Variants in CXCR5 observed in about 807,000 individuals in gnomAD.
CXCR5 encodes C-X-C chemokine receptor type 5.
A neutral mutation model predicts 5.6 loss-of-function variants in CXCR5; 3 were observed. That is an observed-to-expected ratio of 0.54 (90% CI 0.24 to 1.39). The LOEUF is 1.39. Ranked by LOEUF, CXCR5 falls within the 40% of genes most tolerant of loss-of-function variation. CXCR5 has a pLI of 0.16. For missense variants in CXCR5, 333 were observed against 494.6 expected, an observed-to-expected ratio of 0.67 and a Z score of 3.10; for synonymous variants, 218 against 219.9, an observed-to-expected ratio of 0.99 and a Z score of 0.08.
intron 1 of CXCR5, among the ~76,000 whole-genome samples, chr11:118,884,511 G>A (rs1259456261): frequency 1.3e-5 from 2 of 152,076 alleles, no homozygotes; most frequent in East Asian, 3.9e-4. Context: ...CTTCTGCTCT[G>A]GCCAGAGAAA....
rs748200994 is a variant in CXCR5 at position 118,893,974 on chromosome 11, G to T, written c.430G>T (p.Ala144Ser). Residue 144 changes from alanine to serine, a missense_variant, in exon 2 of 2, where the codon GCC becomes TCC. Physicochemically the swap from Ala to Ser is moderately conservative, Grantham distance 99. Coordinates refer to ENST00000292174, the MANE Select transcript of CXCR5 (RefSeq NM_001716.5). The surrounding 1 kb of genome is among the most constrained non-coding windows in gnomAD (Gnocchi z 5.7). ...CAGCAGCCTGCTCCTGGCCTGCATC[G>T]CCGTGGACCGCTACCTGGCCATTGT... ...YCSSLLLACIAVDRYLAIVHA... is the reference protein window; with the variant it reads ...YCSSLLLACISVDRYLAIVHA... 6.2e-7 allele frequency: 1 copy of T among 1,613,764 alleles called. No individual in the cohort carries two copies. Among genetic ancestry groups the T allele is most frequent in the Non-Finnish European group, 8.5e-7 (1 of 1,180,014 alleles).
rs1342123453 is a variant in CXCR5, at chr11:118,896,253, G to A, written c.*1590G>A. 2.4e-5 allele frequency: 4 copies of A among 166,060 alleles called. No individual in the cohort carries two copies. The East Asian group carries it at 5.8e-4, about 24-fold the overall frequency. The allele number at this position is 166,060 out of a possible 1,614,324, so 10.3% of individuals were successfully genotyped here. A position where few individuals can be genotyped will look rare whatever the true frequency, so the allele number is the denominator to read the frequency against. On this transcript the variant is annotated 3_prime_UTR_variant, in exon 2 of 2. Coordinates refer to ENST00000292174, the MANE Select transcript of CXCR5 (RefSeq NM_001716.5). ...ATTGTTTCAAAATAAAAACCAAGAAGATGTCTTCACATATTGTATTTATAT... is the reference window on the plus strand; with the variant it reads ...ATTGTTTCAAAATAAAAACCAAGAAAATGTCTTCACATATTGTATTTATAT...
Position 118,896,307 on chromosome 11 carries a change from T to C in CXCR5, c.*1644T>C, listed in dbSNP as rs1353952858. The C allele has an allele frequency of 6.3e-6, 1 of 157,890 alleles. No homozygotes were observed. The highest frequency in any genetic ancestry group is 2.4e-5 in the African/African-American group (1 of 41,324). The allele number at this position is 157,890 out of a possible 1,614,324, so 9.8% of individuals were successfully genotyped here. A position where few individuals can be genotyped will look rare whatever the true frequency, so the allele number is the denominator to read the frequency against. On this transcript the variant is annotated 3_prime_UTR_variant, in exon 2 of 2. Transcript: ENST00000292174. ...TATATTTATATATATATTTATATAATGGTACAAAATGGCTGGGGGTGTGGC... is the reference window on the plus strand; with the variant it reads ...TATATTTATATATATATTTATATAACGGTACAAAATGGCTGGGGGTGTGGC...
In CXCR5 at chr11:118,893,510, A is replaced by G. The variant is rs1288362779; in HGVS notation, c.52-86A>G. The G allele has an allele frequency of 6.7e-7, 1 of 1,497,586 alleles. No homozygotes were observed. The highest frequency in any genetic ancestry group is 2.3e-5 in the Admixed American group (1 of 43,510). 92.8% of individuals were successfully genotyped at this position (1,497,586 alleles called of 1,614,324 possible). A position where few individuals can be genotyped will look rare whatever the true frequency, so the allele number is the denominator to read the frequency against. Reference sequence around the variant, plus strand: ...TTTGGTCAGTGGGCCCTATGTAGGAAAAAACCTCCAAGAGAGCTAGGGTTC... The same window carrying G: ...TTTGGTCAGTGGGCCCTATGTAGGAGAAAACCTCCAAGAGAGCTAGGGTTC... On this transcript the variant is annotated intron_variant, in intron 1 of 1. Coordinates refer to ENST00000292174, the MANE Select transcript of CXCR5 (RefSeq NM_001716.5). This position sits in a 1 kb window ranked among gnomAD's most constrained non-coding sequence, Gnocchi z 5.7.
chr11:118,886,651 C>T (rs1480378013), intron 1 of CXCR5: 4 of 305,002 alleles, frequency 1.3e-5, no homozygotes, highest in South Asian at 2.8e-5. Flanking sequence ...CCTGTCTATG[C>T]GACCCTCGAT....
intron 1 of CXCR5, chr11:118,886,474 G>A (rs2137651636): frequency 2.4e-6 from 1 of 409,592 alleles, no homozygotes; most frequent in Middle Eastern, 3.7e-4. Context: ...CTTTAAGGCA[G>A]GGGCTGGGGG....
At chr11:118,885,688 C>G (rs1254027971) in intron 1 of CXCR5, among the ~76,000 whole-genome samples, 1 of 152,192 alleles carries the variant, frequency 6.6e-6, no homozygotes, top group Non-Finnish European at 1.5e-5. Context: ...AGAGTTTCCC[C>G]TAACTGCACG....
Position 118,894,547 on chromosome 11 carries a change from C to G in CXCR5, c.1003C>G (p.Arg335Gly). Residue 335 changes from arginine (R) to glycine (G), a missense_variant, in exon 2 of 2, where the codon CGG (arginine) becomes GGG (glycine). Arg to Gly is a moderately radical substitution (Grantham distance 125, BLOSUM62 -2). Transcript: ENST00000292174. This position sits in a 1 kb window ranked among gnomAD's most constrained non-coding sequence, Gnocchi z 6.1. The part of the protein sequence containing the change: ...AGVKFRSDLS[R>G]LLTKLGCTGP... ...CGTGAAGTTCCGCAGTGACCTGTCG[C>G]GGCTCCTGACGAAGCTGGGCTGTAC... The G allele has an allele frequency of 6.4e-7, 1 of 1,568,200 alleles. No homozygotes were observed. Among genetic ancestry groups the G allele is most frequent in the South Asian group, 1.2e-5 (1 of 83,086 alleles).
intron 1 of CXCR5, among the ~76,000 whole-genome samples, chr11:118,884,482 G>C (rs1218509654): frequency 6.6e-6 from 1 of 152,152 alleles, no homozygotes; most frequent in African/African-American, 2.4e-5. Context: ...TTGAGGACCT[G>C]GTCTTTGCCC....
At chr11:118,885,528 GC>G (rs1487870416) in intron 1 of CXCR5, among the ~76,000 whole-genome samples, 1 of 152,172 alleles carries the variant, frequency 6.6e-6, no homozygotes, top group Non-Finnish European at 1.5e-5. Context: ...TCCCACCCTG[GC>G]CCCCGGTCAC....
Position 118,895,688 on chromosome 11 carries a change from G to GC in CXCR5, c.*1025_*1026insC, listed in dbSNP as rs1374151837. On this transcript the variant is annotated 3_prime_UTR_variant, in exon 2 of 2. Coordinates refer to ENST00000292174, the MANE Select transcript of CXCR5 (RefSeq NM_001716.5). The surrounding 1 kb of genome is among the most constrained non-coding windows in gnomAD (Gnocchi z 4.2). ...AAAGGTGGACTGGAAGGGGCCCGTG[G>GC]GAGTCATCTCAACCATCCCCTCCGT... 1 of 167,326 alleles carries GC rather than the reference G, an allele frequency of 6.0e-6. No individual in the cohort carries two copies. Among genetic ancestry groups the GC allele is most frequent in the Non-Finnish European group, 1.5e-5 (1 of 68,340 alleles). The allele number at this position is 167,326 out of a possible 1,614,324, so 10.4% of individuals were successfully genotyped here.
In CXCR5 at chr11:118,897,164, T is replaced by G. The variant is rs754031623; in HGVS notation, c.*2501T>G. 6.5e-6 allele frequency: 1 copy of G among 153,654 alleles called. No homozygotes were observed. Among genetic ancestry groups the G allele is most frequent in the Non-Finnish European group, 1.5e-5 (1 of 68,748 alleles). 9.5% of individuals were successfully genotyped at this position (153,654 alleles called of 1,614,324 possible). ...AGTGGAGACTGGAGGGGAGGTGCAC[T>G]GACTCAGATGAACTGTTCTCCCCCT... On this transcript the variant is annotated 3_prime_UTR_variant, in exon 2 of 2. Transcript: ENST00000292174.
At chr11:118,884,527 C>T (rs1235004358) in intron 1 of CXCR5, among the ~76,000 whole-genome samples, 1 of 152,218 alleles carries the variant, frequency 6.6e-6, no homozygotes, top group African/African-American at 2.4e-5. Flanking sequence ...AGAAAAAAAT[C>T]ACTCACTGGA....
rs534217732 is a variant in CXCR5 at position 118,893,213 on chromosome 11, G to C, written c.52-383G>C. On this transcript the variant is annotated intron_variant, in intron 1 of 1. Transcript: ENST00000292174. This position sits in a 1 kb window ranked among gnomAD's most constrained non-coding sequence, Gnocchi z 5.7. ...TGCCCGACTGTTCTGCTCAGAACTG[G>C]AACAGATGGGTCCTTGTACCAAGCA... Among the ~76,000 whole-genome samples the C allele has an allele frequency of 6.6e-6, 1 of 152,092 alleles. No homozygotes were observed. Among genetic ancestry groups the C allele is most frequent in the Non-Finnish European group, 1.5e-5 (1 of 68,020 alleles).
chr11:118,894,218 C>T lies in CXCR5; in HGVS notation c.674C>T (p.Ala225Val), dbSNP rs748145415. The change falls in exon 2 of 2, where the codon GCG becomes GTG. Residue 225 changes from alanine to valine, a missense_variant. Ala to Val is a moderately conservative substitution (Grantham distance 64). Coordinates refer to ENST00000292174, the MANE Select transcript of CXCR5 (RefSeq NM_001716.5). This position sits in a 1 kb window ranked among gnomAD's most constrained non-coding sequence, Gnocchi z 6.1. ...WFTSRFLYHV[A>V]GFLLPMLVMG... ...ACCTCCCGATTCCTCTACCATGTGG[C>T]GGGATTCCTGCTGCCCATGCTGGTG... The T allele has an allele frequency of 2.4e-5, 39 of 1,613,966 alleles. No homozygotes were observed. Among genetic ancestry groups the T allele is most frequent in the Middle Eastern group, 1.6e-4 (1 of 6,084 alleles).
chr11:118,887,537 G>C, intron 1 of CXCR5: 1 of 657,480 alleles, frequency 1.5e-6, no homozygotes, highest in Non-Finnish European at 1.9e-6. Flanking sequence ...AAACCCGTGG[G>C]TAGAGATGAA....
rs1481813202 is a variant in CXCR5, at chr11:118,894,510, C to T, written c.966C>T (p.Tyr322=). The T allele has an allele frequency of 3.8e-6, 6 of 1,597,010 alleles. No individual in the cohort carries two copies. The highest frequency in any genetic ancestry group is 5.1e-6 in the Non-Finnish European group (6 of 1,169,380). Residue 322 remains tyrosine (Y), a synonymous_variant, in exon 2 of 2, where the codon TAC becomes TAT. Transcript: ENST00000292174. The surrounding 1 kb of genome is among the most constrained non-coding windows in gnomAD (Gnocchi z 6.1). ...LAHCCLNPML[Y]TFAGVKFRSD... ...ACTGCTGCCTCAACCCCATGCTCTA[C>T]ACTTTCGCCGGCGTGAAGTTCCGCA... is the stretch of plus-strand genomic sequence containing the variant.
At chr11:118,887,544 T>C in intron 1 of CXCR5, 1 of 575,664 alleles carries the variant, frequency 1.7e-6, no homozygotes, top group African/African-American at 2.0e-5. Context: ...TGGGTAGAGA[T>C]GAAAGAGGAG....
At chr11:118,887,440 A>T (rs1009545369) in intron 1 of CXCR5, 1 of 985,502 alleles carries the variant, frequency 1.0e-6, no homozygotes, top group Non-Finnish European at 1.2e-6. Context: ...GGCTCCCTTA[A>T]GCCTAAAGAC....
Sources: gnomAD v4.1 joint callset for allele counts (sites outside exome capture counted in the v4.1 genomes callset) on GRCh38, gnomAD v4.1.1 for gene constraint, Gnocchi (gnomAD v3.1) non-coding constraint, MANE v1.5 for transcripts, NCBI Gene and HGNC (gene_info 2026-07-23, HGNC 2026-07-21) for gene names.